The following CD44 variants were observed in gnomAD, a reference collection of about 807,000 sequenced individuals.
CD44 encodes the protein CD44 molecule (IN blood group).
CD44 carries 49 observed loss-of-function variants against 88.8 expected under a neutral mutation model. The observed-to-expected ratio is 0.55, with a 90% confidence interval of 0.44 to 0.70. The LOEUF is 0.70. Ranked by LOEUF, CD44 falls within the 30% of genes least tolerant of loss-of-function variation. The pLI is 0.00. For missense variants in CD44, 883 were observed against 913.8 expected, an observed-to-expected ratio of 0.97 and a Z score of 0.43; for synonymous variants, 325 against 312.3, an observed-to-expected ratio of 1.04 and a Z score of -0.43.
At chr11:35,192,199 T>C (rs1357389267) in intron 5 of CD44, among the ~76,000 whole-genome samples, 1 of 152,222 alleles carries the variant, frequency 6.6e-6, no homozygotes, top group South Asian at 2.1e-4. Flanking sequence ...CTAATGAGTC[T>C]ACCAAATGAG....
intron 5 of CD44, chr11:35,190,420 C>T: frequency 3.5e-6 from 1 of 282,122 alleles, no homozygotes; most frequent in East Asian, 8.2e-5. Context: ...CCTTCTTGTT[C>T]TTATCCACCT....
At chr11:35,225,736 G>T (rs1949652749) in intron 17 of CD44, among the ~76,000 whole-genome samples, 1 of 152,162 alleles carries the variant, frequency 6.6e-6, no homozygotes, top group Non-Finnish European at 1.5e-5. Flanking sequence ...AGAATTTCTT[G>T]AACCCAGGAG....
chr11:35,148,737 C>G (rs1385026792), intron 1 of CD44, among the ~76,000 whole-genome samples: 4 of 152,224 alleles, frequency 2.6e-5, no homozygotes, highest in African/African-American at 9.7e-5. Context: ...CAGCACAGTT[C>G]CCCAATTATA....
intron 3 of CD44, among the ~76,000 whole-genome samples, chr11:35,182,475 G>A: frequency 6.6e-6 from 1 of 152,142 alleles, no homozygotes; most frequent in Admixed American, 6.5e-5. Context: ...TGTTATATGA[G>A]TGAAGAACAC....
At chr11:35,185,513 A>C (rs1327599477) in intron 3 of CD44, among the ~76,000 whole-genome samples, 1 of 152,156 alleles carries the variant, frequency 6.6e-6, no homozygotes, top group Non-Finnish European at 1.5e-5. Context: ...AGGACACTTA[A>C]AATACTTGTG....
chr11:35,177,406 C>T (rs141850951), intron 2 of CD44, among the ~76,000 whole-genome samples: 5 of 152,290 alleles, frequency 3.3e-5, no homozygotes, highest in African/African-American at 4.8e-5. Context: ...AATGGCCTTG[C>T]GGTAAGCGGT....
At chr11:35,204,416 C>T (rs1947625001) in intron 9 of CD44, 96 bp from the exon 10 acceptor site, 2 of 1,173,732 alleles carry the variant, frequency 1.7e-6, no homozygotes, top group Non-Finnish European at 2.5e-6. Context: ...ACCTTCCCTC[C>T]CCATGTGTAT....
intron 2 of CD44, among the ~76,000 whole-genome samples, chr11:35,177,362 CACA>C (rs2133662894): frequency 6.6e-6 from 1 of 152,328 alleles, no homozygotes; most frequent in African/African-American, 2.4e-5. Context: ...GCAAGATAAT[CACA>C]ACAAGCAAGG....
At chr11:35,191,858 T>G (rs752627866) in intron 5 of CD44, among the ~76,000 whole-genome samples, 3 of 152,222 alleles carry the variant, frequency 2.0e-5, no homozygotes, top group Admixed American at 6.5e-5. Flanking sequence ...GAGAACCTAC[T>G]ACGTACCAGG....
rs1273253070 is a variant in CD44, at chr11:35,232,130, T to A, written c.*2797T>A. The stretch of plus-strand genomic sequence containing the variant: ...AGCAAAATGTACTTAAGAATAAGAA[T>A]AACATGGTCCATTCACCTTTATGTT... On this transcript the variant is annotated 3_prime_UTR_variant, in exon 18 of 18. Transcript: ENST00000428726. 1 of 152,566 alleles carries A rather than the reference T, an allele frequency of 6.6e-6. No homozygotes were observed. Among genetic ancestry groups the A allele is most frequent in the Non-Finnish European group, 1.5e-5 (1 of 68,034 alleles). The allele number at this position is 152,566 out of a possible 1,614,324, so 9.5% of individuals were successfully genotyped here. A position where few individuals can be genotyped will look rare whatever the true frequency, so the allele number is the denominator to read the frequency against.
At chr11:35,210,135 G>A in intron 13 of CD44, 81 bp downstream of exon 13, 1 of 746,688 alleles carries the variant, frequency 1.3e-6, no homozygotes, top group East Asian at 3.0e-5. Context: ...GTCTTTGGTG[G>A]AGGTGCATCC....
chr11:35,226,893 T>C, intron 17 of CD44, among the ~76,000 whole-genome samples: 1 of 130,490 alleles, frequency 7.7e-6, no homozygotes, highest in Non-Finnish European at 1.7e-5. Flanking sequence ...TTTTTTTTTT[T>C]TTTTTTTTTG....
At chr11:35,225,256 T>C (rs1294708566) in intron 17 of CD44, among the ~76,000 whole-genome samples, 2 of 152,104 alleles carry the variant, frequency 1.3e-5, no homozygotes, top group Non-Finnish European at 2.9e-5. Flanking sequence ...CTAAATATCG[T>C]TAAGGATTGT....
In CD44 at chr11:35,158,734, C is replaced by T. The variant is rs115162798; in HGVS notation, c.68-17841C>T. Among the ~76,000 whole-genome samples, 885 of 152,274 alleles carry T rather than the reference C, an allele frequency of 5.8e-3. 5 individuals are homozygous for T. The highest frequency in any genetic ancestry group is 0.02 in the African/African-American group (848 of 41,554). On this transcript the variant is annotated intron_variant, in intron 1 of 17. Transcript: ENST00000428726. ...TAAACTCTCATTGAATTTGGCAGGG[C>T]GGGCACACCAGCAAGCTGACACTAT...
intron 4 of CD44, among the ~76,000 whole-genome samples, chr11:35,188,679 T>G (rs1490731624): frequency 6.6e-6 from 1 of 152,158 alleles, no homozygotes; most frequent in Non-Finnish European, 1.5e-5. Flanking sequence ...GGCTCACTCC[T>G]GTAATCTCAG....
chr11:35,225,127 A>AGCACTTGAACTATGGCTAGTT (rs1565165798), intron 17 of CD44, among the ~76,000 whole-genome samples: 3 of 122,798 alleles, frequency 2.4e-5, no homozygotes, highest in Admixed American at 9.4e-5. Context: ...GGCTAGTTCA[A>AGCACTTGAACTATGGCTAGTT]CTGAGGAAGT....
At chr11:35,196,938 C>T in intron 6 of CD44, 64 bp downstream of exon 6, 2 of 1,539,102 alleles carry the variant, frequency 1.3e-6, no homozygotes, top group Non-Finnish European at 1.8e-6. Flanking sequence ...TTTTGATTGA[C>T]CTCTGGGATG....
chr11:35,219,179 T>C (rs1949090909), intron 15 of CD44, 137 bp from the exon 16 acceptor site: 3 of 669,844 alleles, frequency 4.5e-6, no homozygotes, highest in Admixed American at 2.4e-5. Context: ...TAATGCTTTA[T>C]AAACATCTGC....
Position 35,173,388 on chromosome 11 carries a change from G to C in CD44, c.68-3187G>C, listed in dbSNP as rs75058266. 5.1e-4 allele frequency among the ~76,000 whole-genome samples: 77 copies of C among 152,356 alleles called. No individual in the cohort carries two copies. In the East Asian group the frequency reaches 0.013, roughly 27 times the overall value. Reference sequence around the variant, plus strand: ...ACTGAGGCCAAAGTTGAAAATGTCAGTAAAAACAAATAGTATTGCAAAAGG... The same window carrying C: ...ACTGAGGCCAAAGTTGAAAATGTCACTAAAAACAAATAGTATTGCAAAAGG... On this transcript the variant is annotated intron_variant, in intron 1 of 17. Coordinates refer to ENST00000428726, the MANE Select transcript of CD44 (RefSeq NM_000610.4).
Sources: gnomAD v4.1 joint callset for allele counts (sites outside exome capture counted in the v4.1 genomes callset) on GRCh38, gnomAD v4.1.1 for gene constraint, MANE v1.5 for transcripts, NCBI Gene and HGNC (gene_info 2026-07-23, HGNC 2026-07-21) for gene names.